Variants in FNDC5 observed in about 807,000 individuals in gnomAD.
The protein encoded by FNDC5 is fibronectin type III domain-containing protein 5.
FNDC5 carries 10 observed loss-of-function variants against 24.6 expected under a neutral mutation model. The observed-to-expected ratio is 0.41, with a 90% confidence interval of 0.25 to 0.69. FNDC5 has a LOEUF of 0.69. Ranked by LOEUF, FNDC5 falls within the 30% of genes least tolerant of loss-of-function variation. FNDC5 has a pLI of 0.34. For missense variants in FNDC5, 226 were observed against 282.9 expected, an observed-to-expected ratio of 0.80 and a Z score of 1.44; for synonymous variants, 90 against 110.7, an observed-to-expected ratio of 0.81 and a Z score of 1.18.
At chr1:32,865,257 G>A (rs1364780409) in intron 4 of FNDC5, among the ~76,000 whole-genome samples, 7 of 151,888 alleles carry the variant, frequency 4.6e-5, no homozygotes, top group African/African-American at 9.6e-5. Flanking sequence ...GCGCCACCAC[G>A]TCCGGCTAAT....
intron 4 of FNDC5, among the ~76,000 whole-genome samples, chr1:32,866,951 A>G (rs1641081915): frequency 1.3e-5 from 2 of 152,150 alleles, no homozygotes; most frequent in African/African-American, 4.8e-5. Context: ...TTAGCCAGGC[A>G]TGGTGGCACA....
At chr1:32,867,402 C>T (rs962960109) in intron 4 of FNDC5, among the ~76,000 whole-genome samples, 2 of 152,064 alleles carry the variant, frequency 1.3e-5, no homozygotes, top group African/African-American at 4.8e-5. Context: ...CAGGCCTGGA[C>T]CCCTGGAGGC....
intron 4 of FNDC5, among the ~76,000 whole-genome samples, chr1:32,866,743 GAA>G (rs955406822): frequency 5.3e-5 from 8 of 152,252 alleles, no homozygotes; most frequent in African/African-American, 1.7e-4. Flanking sequence ...AAAGAAAAAA[GAA>G]AAGTTTGGGC....
chr1:32,870,939 G>GCGTCCA (rs1284326145), upstream of FNDC5: 31 of 147,860 alleles, frequency 2.1e-4, 1 homozygote, highest in Admixed American at 1.8e-3. Context: ...GGCGGCGGCC[G>GCGTCCA]CGTCCACGTC....
rs766250108 is a variant in FNDC5 at position 32,864,608 on chromosome 1, G to A, written c.633+56C>T. ...GAGCTGACCCCCTCTGCAGTCCAGG[G>A]ATTACCAGAGCATGAGGCACAGGGT... is the stretch of plus-strand genomic sequence containing the variant. On this transcript the variant is annotated intron_variant, in intron 5 of 5. Transcript: ENST00000373471. The A allele has an allele frequency of 2.5e-6, 4 of 1,611,766 alleles. No homozygotes were observed. The African/African-American group carries it at 5.3e-5, about 22-fold the overall frequency.
chr1:32,866,669 T>C (rs1641076104), intron 4 of FNDC5, among the ~76,000 whole-genome samples: 1 of 150,140 alleles, frequency 6.7e-6, no homozygotes. Context: ...ATAGCACTCA[T>C]CACACTGGAT....
rs1361321427 is a variant in FNDC5, at chr1:32,863,259, AC to A, written c.*1034del. ...AAAGAGACAAACCAGGTAACATCTT[AC>A]ACGCTTGCAAAAGTGTGCATCACAC... On this transcript the variant is annotated 3_prime_UTR_variant, in exon 6 of 6. Transcript: ENST00000373471. The A allele has an allele frequency of 3.1e-5, 5 of 158,748 alleles. No individual in the cohort carries two copies. The highest frequency in any genetic ancestry group is 9.6e-5 in the African/African-American group (4 of 41,580). The allele number at this position is 158,748 out of a possible 1,614,324, so 9.8% of individuals were successfully genotyped here.
rs908105736 is a variant in FNDC5 at position 32,863,611 on chromosome 1, G to A, written c.*683C>T. On this transcript the variant is annotated 3_prime_UTR_variant, in exon 6 of 6. Transcript: ENST00000373471. ...GCCTCCTTCATCTGACTAGGACAAG[G>A]AGAAGAGAGAACTGTGCAGCTAGCT... 1 of 957,358 alleles carries A rather than the reference G, an allele frequency of 1.0e-6. No homozygotes were observed. Among genetic ancestry groups the A allele is most frequent in the African/African-American group, 1.7e-5 (1 of 58,534 alleles). The allele number at this position is 957,358 out of a possible 1,614,324, so 59.3% of individuals were successfully genotyped here.
upstream of FNDC5, among the ~76,000 whole-genome samples, chr1:32,871,639 T>G (rs1450620587): frequency 6.6e-6 from 1 of 152,160 alleles, no homozygotes; most frequent in African/African-American, 2.4e-5. Flanking sequence ...ACAGGCTACT[T>G]GACTTGTCCA....
chr1:32,870,699 C>T lies in FNDC5; in HGVS notation c.48G>A (p.Ala16=). 8.3e-7 allele frequency: 1 copy of T among 1,198,900 alleles called. No homozygotes were observed. The highest frequency in any genetic ancestry group is 1.0e-6 in the Non-Finnish European group (1 of 966,944). The allele number at this position is 1,198,900 out of a possible 1,614,324, so 74.3% of individuals were successfully genotyped here. A position where few individuals can be genotyped will look rare whatever the true frequency, so the allele number is the denominator to read the frequency against. ...AGACGCAGCCCAGCCACAGGCGGAG[C>T]GCGGCGCGGGCGCGGGGCGGCCAGG... is the stretch of plus-strand genomic sequence containing the variant. The change falls in exon 1 of 6, where the codon GCG becomes GCA. Residue 16 remains alanine, a synonymous_variant. Transcript: ENST00000373471.
chr1:32,868,998 C>CTGG lies in FNDC5; in HGVS notation c.95-4_95-2dup, dbSNP rs1176303197. The CTGG allele has an allele frequency of 8.1e-7, 1 of 1,232,960 alleles. No individual in the cohort carries two copies. Among genetic ancestry groups the CTGG allele is most frequent in the African/African-American group, 1.6e-5 (1 of 64,416 alleles). 76.4% of individuals were successfully genotyped at this position (1,232,960 alleles called of 1,614,324 possible). A position where few individuals can be genotyped will look rare whatever the true frequency, so the allele number is the denominator to read the frequency against. On this transcript the variant is annotated splice_acceptor_variant, in intron 1 of 5. Transcript: ENST00000373471. LOFTEE classifies it high-confidence loss of function. This position sits in a 1 kb window ranked among gnomAD's most constrained non-coding sequence, Gnocchi z 4.8. The stretch of plus-strand genomic sequence containing the variant: ...ACGTTCACTGGGGCTGAGGGACTGT[C>CTGG]TGGGGGACGGGGAGGCACCTAAGCC...
At chr1:32,864,967 C>T (rs1641042642) in intron 4 of FNDC5, among the ~76,000 whole-genome samples, 170 bp from the exon 5 acceptor site, 1 of 152,174 alleles carries the variant, frequency 6.6e-6, no homozygotes, top group South Asian at 2.1e-4. Flanking sequence ...CCTCACCAAC[C>T]ACCCCTTCAC....
Position 32,868,085 on chromosome 1 carries a change from A to AG in FNDC5, c.409+104dup. On this transcript the variant is annotated intron_variant, in intron 3 of 5. Transcript: ENST00000373471. The surrounding 1 kb of genome is among the most constrained non-coding windows in gnomAD (Gnocchi z 4.8). ...CTCAGGTACTGCTTTACTTGCCAGC[A>AG]GGGGATAAGGGGGAGGAGACAGAGC... The AG allele has an allele frequency of 7.4e-7, 1 of 1,343,424 alleles. No individual in the cohort carries two copies. Among genetic ancestry groups the AG allele is most frequent in the Non-Finnish European group, 1.0e-6 (1 of 962,056 alleles). 83.2% of individuals were successfully genotyped at this position (1,343,424 alleles called of 1,614,324 possible).
In FNDC5 at chr1:32,868,229, T is replaced by C; in HGVS notation, c.370A>G (p.Thr124Ala). 2 of 1,613,962 alleles carry C rather than the reference T, an allele frequency of 1.2e-6. No individual in the cohort carries two copies. Among genetic ancestry groups the C allele is most frequent in the Non-Finnish European group, 1.7e-6 (2 of 1,179,998 alleles). The change falls in exon 3 of 6, where the codon ACC becomes GCC. Residue 124 changes from threonine (T) to alanine (A), a missense_variant. Physicochemically the swap from Thr to Ala is moderately conservative, Grantham distance 58. Coordinates refer to ENST00000373471, the MANE Select transcript of FNDC5 (RefSeq NM_153756.3). The surrounding 1 kb of genome is among the most constrained non-coding windows in gnomAD (Gnocchi z 4.8). ...GCCATCTTCTCAGCCTCACGCGGGGTCTTGAAGAGCACAGGCTCGCTGGCT... is the reference window on the plus strand; with the variant it reads ...GCCATCTTCTCAGCCTCACGCGGGGCCTTGAAGAGCACAGGCTCGCTGGCT...
intron 4 of FNDC5, among the ~76,000 whole-genome samples, chr1:32,866,256 C>G (rs546715153): frequency 1.3e-4 from 20 of 152,222 alleles, no homozygotes; most frequent in African/African-American, 4.1e-4. Context: ...TTTGTACAAC[C>G]CTTTGTTTTT....
upstream of FNDC5, among the ~76,000 whole-genome samples, chr1:32,871,825 G>A (rs959441998): frequency 6.6e-6 from 1 of 152,320 alleles, no homozygotes; most frequent in South Asian, 2.1e-4. Context: ...CAATCTCTAA[G>A]AGCATCTCTG....
chr1:32,864,167 A>T lies in FNDC5; in HGVS notation c.*127T>A. ...GGACAGTAAGCCAGAGGGTACAAGG[A>T]GATGGAGGGAAGAGATGTAGAGAGG... On this transcript the variant is annotated 3_prime_UTR_variant, in exon 6 of 6. Coordinates refer to ENST00000373471, the MANE Select transcript of FNDC5 (RefSeq NM_153756.3). 1 of 1,597,820 alleles carries T rather than the reference A, an allele frequency of 6.3e-7. No homozygotes were observed. Among genetic ancestry groups the T allele is most frequent in the Non-Finnish European group, 8.5e-7 (1 of 1,171,460 alleles).
At chr1:32,866,923 T>G (rs1340313081) in intron 4 of FNDC5, among the ~76,000 whole-genome samples, 2 of 151,898 alleles carry the variant, frequency 1.3e-5, no homozygotes. Context: ...AGACCCTATC[T>G]CTACAAAAAA....
At position 32,868,537 on chromosome 1, in the gene FNDC5, C is replaced by T. The variant is rs1339506927; in HGVS notation, c.211-149G>A. The T allele has an allele frequency of 2.0e-6, 2 of 1,010,694 alleles. No individual in the cohort carries two copies. The highest frequency in any genetic ancestry group is 2.8e-6 in the Non-Finnish European group (2 of 702,142). The allele number at this position is 1,010,694 out of a possible 1,614,324, so 62.6% of individuals were successfully genotyped here. On this transcript the variant is annotated intron_variant, in intron 2 of 5. Coordinates refer to ENST00000373471, the MANE Select transcript of FNDC5 (RefSeq NM_153756.3). The surrounding 1 kb of genome is among the most constrained non-coding windows in gnomAD (Gnocchi z 4.8). Reference sequence around the variant, plus strand: ...TATCTCCATTTTACAGGGAAGGAAACAGGTTCAGAGAGGTTGGGGAAGTTG... The same window carrying T: ...TATCTCCATTTTACAGGGAAGGAAATAGGTTCAGAGAGGTTGGGGAAGTTG...
Sources: gnomAD v4.1 joint callset for allele counts (sites outside exome capture counted in the v4.1 genomes callset) on GRCh38, gnomAD v4.1.1 for gene constraint, Gnocchi (gnomAD v3.1) non-coding constraint, MANE v1.5 for transcripts, NCBI Gene and HGNC (gene_info 2026-07-23, HGNC 2026-07-21) for gene names.